NAALADL2: variants seen among roughly 807,000 people sequenced by gnomAD.
NAALADL2 encodes the protein inactive N-acetylated-alpha-linked acidic dipeptidase-like protein 2.
In NAALADL2, 76 loss-of-function variants were observed where a neutral mutation model predicts 87.2. The ratio of observed to expected loss-of-function variants is 0.87; its 90% CI spans 0.72 to 1.05. NAALADL2 has a LOEUF of 1.05. Ranked by LOEUF, NAALADL2 falls within the 50% of genes least tolerant of loss-of-function variation. The pLI is 0.00. For missense variants in NAALADL2, 1,089 were observed against 945.8 expected (o/e 1.15, Z -1.99); for synonymous variants, 354 against 331.0 (o/e 1.07, Z -0.75).
intron 1 of NAALADL2, among the ~76,000 whole-genome samples, chr3:174,877,698 A>G (rs1728678510): frequency 6.6e-6 from 1 of 152,146 alleles, no homozygotes; most frequent in African/African-American, 2.4e-5. Flanking sequence ...GGTGATGTAG[A>G]ATATGGATTA....
chr3:175,343,405 GTAAT>G (rs1645429796), intron 5 of NAALADL2, among the ~76,000 whole-genome samples: 1 of 151,950 alleles, frequency 6.6e-6, no homozygotes, highest in Non-Finnish European at 1.5e-5. Context: ...ATTATATGTA[GTAAT>G]TAAAGTGCTT....
At chr3:174,909,970 A>T (rs898947574) in intron 1 of NAALADL2, among the ~76,000 whole-genome samples, 1 of 152,078 alleles carries the variant, frequency 6.6e-6, no homozygotes, top group African/African-American at 2.4e-5. Flanking sequence ...TCTGCCTTCA[A>T]GTGTCATATA....
At chr3:174,923,109 T>C (rs1469006194) in intron 1 of NAALADL2, among the ~76,000 whole-genome samples, 2 of 152,084 alleles carry the variant, frequency 1.3e-5, no homozygotes, top group African/African-American at 4.8e-5. Flanking sequence ...ACAGGGTAAA[T>C]ACAAGATGAG....
intron 2 of NAALADL2, among the ~76,000 whole-genome samples, chr3:174,614,990 A>G (rs775345828): frequency 6.6e-6 from 1 of 152,196 alleles, no homozygotes; most frequent in Admixed American, 6.5e-5. Flanking sequence ...ACCTAAAAGC[A>G]GTAATTTTGA....
intron 2 of NAALADL2, among the ~76,000 whole-genome samples, chr3:174,646,271 G>C (rs1265431361): frequency 6.6e-6 from 1 of 152,038 alleles, no homozygotes; most frequent in Non-Finnish European, 1.5e-5. Flanking sequence ...TTTGAAATCT[G>C]TTTTATAAAA....
chr3:174,776,750 G>A (rs542412063), intron 3 of NAALADL2, among the ~76,000 whole-genome samples: 18 of 151,924 alleles, frequency 1.2e-4, no homozygotes, highest in Admixed American at 4.6e-4. Context: ...TACTTTTTAC[G>A]AATCATGGTG....
At chr3:174,644,235 T>C (rs1723550161) in intron 2 of NAALADL2, among the ~76,000 whole-genome samples, 1 of 152,254 alleles carries the variant, frequency 6.6e-6, no homozygotes, top group Non-Finnish European at 1.5e-5. Flanking sequence ...TCTGCAAGCC[T>C]ACTGTTGATC....
At chr3:175,266,044 G>C (rs1353532255) in intron 4 of NAALADL2, among the ~76,000 whole-genome samples, 1 of 150,404 alleles carries the variant, frequency 6.6e-6, no homozygotes, top group Non-Finnish European at 1.5e-5. Flanking sequence ...GTTAAAAAAA[G>C]CCTTTATATT....
chr3:175,537,035 A>T (rs1409789852), intron 9 of NAALADL2, among the ~76,000 whole-genome samples: 3 of 152,204 alleles, frequency 2.0e-5, no homozygotes, highest in Non-Finnish European at 4.4e-5. Context: ...TACTCTGACA[A>T]TCCAGACACT....
intron 5 of NAALADL2, among the ~76,000 whole-genome samples, chr3:175,431,931 C>A (rs1717824206): frequency 6.6e-6 from 1 of 151,898 alleles, no homozygotes; most frequent in Non-Finnish European, 1.5e-5. Flanking sequence ...CAGTGGGTTG[C>A]CAAGTTGTGA....
chr3:174,790,759 A>T lies in NAALADL2; in HGVS notation c.-9+53013A>T, dbSNP rs191493039. ...AAAAATAATAAGTTGTAAATCATTA[A>T]CATACCAATACAATAATATAAACCC... is the stretch of plus-strand genomic sequence containing the variant. On this transcript the variant is annotated intron_variant, in intron 3 of 3. Coordinates refer to the NAALADL2 transcript ENST00000434257. 7.0e-4 allele frequency among the ~76,000 whole-genome samples: 107 copies of T among 152,308 alleles called. No homozygotes were observed. In the East Asian group the frequency reaches 0.02, roughly 28 times the overall value.
At chr3:175,389,076 T>C (rs1026404275) in intron 5 of NAALADL2, among the ~76,000 whole-genome samples, 19 of 152,020 alleles carry the variant, frequency 1.2e-4, no homozygotes, top group Admixed American at 1.2e-3. Flanking sequence ...AGGGGACAGA[T>C]TACCAATATT....
chr3:174,527,266 A>G (rs536287891), intron 1 of NAALADL2, among the ~76,000 whole-genome samples: 2 of 152,242 alleles, frequency 1.3e-5, no homozygotes, highest in South Asian at 4.1e-4. Context: ...CAGGCCTGCA[A>G]TCCCAGCACT....
At chr3:174,697,612 G>A (rs1729154433) in intron 2 of NAALADL2, among the ~76,000 whole-genome samples, 1 of 152,084 alleles carries the variant, frequency 6.6e-6, no homozygotes, top group Admixed American at 6.5e-5. Flanking sequence ...TAGAACTGAG[G>A]CAGGTATGAG....
intron 1 of NAALADL2, among the ~76,000 whole-genome samples, chr3:174,885,535 T>A (rs1414387315): frequency 6.6e-6 from 1 of 152,116 alleles, no homozygotes; most frequent in Non-Finnish European, 1.5e-5. Flanking sequence ...TCAAATGCAA[T>A]TATTTTGTGT....
At chr3:174,987,393 C>A (rs1579879426) in intron 1 of NAALADL2, among the ~76,000 whole-genome samples, 1 of 150,034 alleles carries the variant, frequency 6.7e-6, no homozygotes, top group African/African-American at 2.5e-5. Context: ...AACGGTGAAA[C>A]CCCGTCTCTA....
chr3:175,665,837 A>C (rs1377568550), intron 11 of NAALADL2, among the ~76,000 whole-genome samples: 1 of 152,108 alleles, frequency 6.6e-6, no homozygotes, highest in Non-Finnish European at 1.5e-5. Flanking sequence ...AGGCTGAGGC[A>C]GGAGAATCGC....
chr3:174,508,083 T>A (rs956153999), intron 1 of NAALADL2, among the ~76,000 whole-genome samples: 6 of 151,534 alleles, frequency 4.0e-5, no homozygotes, highest in Admixed American at 3.3e-4. Context: ...TATGGCCAGT[T>A]TTTTAAATTT....
intron 1 of NAALADL2, among the ~76,000 whole-genome samples, chr3:174,902,495 T>C (rs1216838667): frequency 6.6e-6 from 1 of 151,992 alleles, no homozygotes; most frequent in African/African-American, 2.4e-5. Flanking sequence ...ATTCAGACTC[T>C]AAAATAACTC....
Sources: allele counts gnomAD v4.1 joint callset (sites outside exome capture counted in the v4.1 genomes callset), GRCh38; gene constraint gnomAD v4.1.1; transcripts MANE v1.5; gene names NCBI Gene and HGNC (gene_info 2026-07-23, HGNC 2026-07-21).